The following RARG variants were observed in gnomAD, a reference collection of about 807,000 sequenced individuals.
RARG encodes RAR-gamma.
A neutral mutation model predicts 43.7 loss-of-function variants in RARG; 17 were observed. The ratio of observed to expected loss-of-function variants is 0.39; its 90% CI spans 0.27 to 0.58. RARG has a LOEUF of 0.58. Ranked by LOEUF, RARG falls within the 20% of genes least tolerant of loss-of-function variation. The probability of loss-of-function intolerance (pLI) is 0.57; values close to 1 mark genes in which losing one functional copy is unlikely to be tolerated. For synonymous variants in RARG, 238 were observed against 236.4 expected (o/e 1.01, Z -0.06); for missense variants, 346 against 598.7 (o/e 0.58, Z 4.40).
At chr12:53,226,500 G>C (rs1943109484) in intron 3 of RARG, among the ~76,000 whole-genome samples, 1 of 151,992 alleles carries the variant, frequency 6.6e-6, no homozygotes, top group Non-Finnish European at 1.5e-5. Context: ...GCTAATTTTT[G>C]TAATTTTAAA....
In RARG at chr12:53,213,793, G is replaced by A; in HGVS notation, c.814-93C>T. Reference sequence around the variant, plus strand: ...AAAGTGAGGAGGTTAGGTCCCCAGTGAGTGCAACCTGAAGCAGGCATGGAG... The same window carrying A: ...AAAGTGAGGAGGTTAGGTCCCCAGTAAGTGCAACCTGAAGCAGGCATGGAG... On this transcript the variant is annotated intron_variant, in intron 7 of 9. Transcript: ENST00000425354. The surrounding 1 kb of genome is among the most constrained non-coding windows in gnomAD (Gnocchi z 4.7). The A allele has an allele frequency of 1.5e-6, 2 of 1,326,918 alleles. No homozygotes were observed. The highest frequency in any genetic ancestry group is 2.1e-6 in the Non-Finnish European group (2 of 943,826). The allele number at this position is 1,326,918 out of a possible 1,614,324, so 82.2% of individuals were successfully genotyped here.
intron 9 of RARG, among the ~76,000 whole-genome samples, chr12:53,212,773 CACACACAT>C (rs1374850373): frequency 3.6e-4 from 54 of 150,420 alleles, no homozygotes; most frequent in South Asian, 2.7e-3. Context: ...CACACACACA[CACACACAT>C]ACTTGGAATT....
rs934305436 is a variant in RARG at position 53,218,774 on chromosome 12, A to T, written c.185-2980T>A. The stretch of plus-strand genomic sequence containing the variant: ...GGGGGCTTGGTGACCTGGCGTGCGC[A>T]CTCCCCCAGCGCCCGCCGCCCCGCC... On this transcript the variant is annotated intron_variant, in intron 3 of 9. Transcript: ENST00000425354. Among the ~76,000 whole-genome samples, 40 of 150,082 alleles carry T rather than the reference A, an allele frequency of 2.7e-4. 1 individual carries two copies. Among genetic ancestry groups the T allele is most frequent in the African/African-American group, 8.3e-4 (34 of 40,940 alleles).
At position 53,211,567 on chromosome 12, in the gene RARG, G is replaced by C. The variant is rs1942588136; in HGVS notation, c.*109C>G. 4.7e-6 allele frequency: 5 copies of C among 1,061,608 alleles called. No individual in the cohort carries two copies. In the East Asian group the frequency reaches 1.6e-4, roughly 34 times the overall value. 65.8% of individuals were successfully genotyped at this position (1,061,608 alleles called of 1,614,324 possible). On this transcript the variant is annotated 3_prime_UTR_variant, in exon 10 of 10. Coordinates refer to ENST00000425354, the MANE Select transcript of RARG (RefSeq NM_000966.6). The surrounding 1 kb of genome is among the most constrained non-coding windows in gnomAD (Gnocchi z 4.6). The stretch of plus-strand genomic sequence containing the variant: ...CAAAAACAAGGAGCTCATTGGAAGG[G>C]GTGGGGAGAGGGCAGAGCAGGTCCT...
chr12:53,213,796 T>G lies in RARG; in HGVS notation c.814-96A>C. On this transcript the variant is annotated intron_variant, in intron 7 of 9. Coordinates refer to ENST00000425354, the MANE Select transcript of RARG (RefSeq NM_000966.6). The surrounding 1 kb of genome is among the most constrained non-coding windows in gnomAD (Gnocchi z 4.7). ...GTGAGGAGGTTAGGTCCCCAGTGAG[T>G]GCAACCTGAAGCAGGCATGGAGAAG... 7.6e-7 allele frequency: 1 copy of G among 1,317,194 alleles called. No homozygotes were observed. The allele number at this position is 1,317,194 out of a possible 1,614,324, so 81.6% of individuals were successfully genotyped here. A position where few individuals can be genotyped will look rare whatever the true frequency, so the allele number is the denominator to read the frequency against.
chr12:53,214,337 A>T, intron 6 of RARG, 102 bp from the exon 7 acceptor site: 1 of 1,537,484 alleles, frequency 6.5e-7, no homozygotes, highest in South Asian at 1.2e-5. Flanking sequence ...CTGCATTCTG[A>T]TGCCCTCCTT....
Position 53,213,848 on chromosome 12 carries a change from CA to C in RARG, c.814-149del. 9.0e-7 allele frequency: 1 copy of C among 1,105,418 alleles called. No individual in the cohort carries two copies. Among genetic ancestry groups the C allele is most frequent in the Non-Finnish European group, 1.3e-6 (1 of 763,608 alleles). 68.5% of individuals were successfully genotyped at this position (1,105,418 alleles called of 1,614,324 possible). A position where few individuals can be genotyped will look rare whatever the true frequency, so the allele number is the denominator to read the frequency against. On this transcript the variant is annotated intron_variant, in intron 7 of 9. Transcript: ENST00000425354. The surrounding 1 kb of genome is among the most constrained non-coding windows in gnomAD (Gnocchi z 4.7). The stretch of plus-strand genomic sequence containing the variant: ...CAGAGGTGGAGGATCTGAGGCTTGG[CA>C]GGGGTAGTCCCGGGAAGTCAGGAGG...
intron 3 of RARG, among the ~76,000 whole-genome samples, chr12:53,217,698 C>T (rs1304095246): frequency 6.6e-6 from 1 of 152,214 alleles, no homozygotes; most frequent in Non-Finnish European, 1.5e-5. Flanking sequence ...CGGGCTTAGA[C>T]CCCACCATTG....
chr12:53,229,944 T>C lies in RARG; in HGVS notation c.-143+1225A>G, dbSNP rs1943192086. On this transcript the variant is annotated intron_variant, in intron 2 of 9. Transcript: ENST00000425354. ...GATGCTGCATGTGAGCCAATGAGAG[T>C]TGTCCTTGGCCTTCCTCTTATTTTG... The C allele has an allele frequency of 1.2e-5, 12 of 974,548 alleles. No homozygotes were observed. In the South Asian group the frequency reaches 3.8e-4, roughly 31 times the overall value. 60.4% of individuals were successfully genotyped at this position (974,548 alleles called of 1,614,324 possible).
chr12:53,213,319 A>G lies in RARG; in HGVS notation c.1019-76T>C, dbSNP rs1189098637. 6.7e-7 allele frequency: 1 copy of G among 1,496,604 alleles called. No individual in the cohort carries two copies. The highest frequency in any genetic ancestry group is 9.2e-7 in the Non-Finnish European group (1 of 1,085,888). The allele number at this position is 1,496,604 out of a possible 1,614,324, so 92.7% of individuals were successfully genotyped here. A position where few individuals can be genotyped will look rare whatever the true frequency, so the allele number is the denominator to read the frequency against. On this transcript the variant is annotated intron_variant, in intron 8 of 9. Transcript: ENST00000425354. This position sits in a 1 kb window ranked among gnomAD's most constrained non-coding sequence, Gnocchi z 4.7. The stretch of plus-strand genomic sequence containing the variant: ...ACACAGTGACAGATGGCTGATCACC[A>G]ACCGGCGTTTTGGGAAGCCTGTACA...
At chr12:53,221,281 C>G (rs1942954679) in intron 3 of RARG, among the ~76,000 whole-genome samples, 1 of 152,066 alleles carries the variant, frequency 6.6e-6, no homozygotes, top group Non-Finnish European at 1.5e-5. Context: ...CTGACGCCCC[C>G]TAAGCGCCTC....
intron 9 of RARG, among the ~76,000 whole-genome samples, chr12:53,212,232 T>C (rs1203673836): frequency 6.6e-6 from 1 of 152,242 alleles, no homozygotes; most frequent in Non-Finnish European, 1.5e-5. Context: ...TTACCACAGC[T>C]AATATTTATC....
chr12:53,226,784 G>T (rs1943117925), intron 3 of RARG, among the ~76,000 whole-genome samples: 1 of 150,008 alleles, frequency 6.7e-6, no homozygotes, highest in Non-Finnish European at 1.5e-5. Flanking sequence ...GCTAATTTTT[G>T]CATTTTTAAC....
In RARG at chr12:53,216,841, T is replaced by TGTGC. The variant is rs1430491578; in HGVS notation, c.185-1048_185-1047insGCAC. On this transcript the variant is annotated intron_variant, in intron 3 of 9. Coordinates refer to ENST00000425354, the MANE Select transcript of RARG (RefSeq NM_000966.6). Reference sequence around the variant, plus strand: ...GGGTAAGTGTGTGTGTGTGTGTGTGTGCGCGCGCGCGCGCGCGCGCGTGTG... The same window carrying TGTGC: ...GGGTAAGTGTGTGTGTGTGTGTGTGTGTGCGCGCGCGCGCGCGCGCGCGCGTGTG... 1.6e-3 allele frequency among the ~76,000 whole-genome samples: 213 copies of TGTGC among 129,418 alleles called. 4 individuals carry two copies. Among genetic ancestry groups the TGTGC allele is most frequent in the South Asian group, 4.3e-3 (16 of 3,734 alleles). 84.9% of individuals were successfully genotyped at this position (129,418 alleles called of 152,430 possible).
At position 53,219,340 on chromosome 12, in the gene RARG, C is replaced by T. The variant is rs149673129; in HGVS notation, c.185-3546G>A. ...CCTCTTGTGTGCACAACCTTTTCCA[C>T]CCGGCATGAGAACACACAGGATGCA... On this transcript the variant is annotated intron_variant, in intron 3 of 9. Transcript: ENST00000425354. 1.6e-4 allele frequency among the ~76,000 whole-genome samples: 25 copies of T among 152,300 alleles called. No individual in the cohort carries two copies. In the East Asian group the frequency reaches 3.9e-3, roughly 24 times the overall value.
chr12:53,214,671 C>A, intron 5 of RARG, 65 bp from the exon 6 acceptor site: 1 of 1,459,726 alleles, frequency 6.9e-7, no homozygotes. Context: ...TGTCCTCTCT[C>A]ACCCTAATTT....
chr12:53,214,361 G>T, intron 6 of RARG, 85 bp downstream of exon 6: 1 of 1,553,130 alleles, frequency 6.4e-7, no homozygotes, highest in Non-Finnish European at 8.8e-7. Context: ...CTCAGCACCA[G>T]TCGATGATAG....
intron 9 of RARG, among the ~76,000 whole-genome samples, chr12:53,212,469 G>T (rs1942619854): frequency 6.6e-6 from 1 of 152,054 alleles, no homozygotes; most frequent in African/African-American, 2.4e-5. Flanking sequence ...GTCTTGCTGG[G>T]TTACCCAGGC....
Position 53,213,811 on chromosome 12 carries a change from G to A in RARG, c.814-111C>T, listed in dbSNP as rs1942678879. On this transcript the variant is annotated intron_variant, in intron 7 of 9. Coordinates refer to ENST00000425354, the MANE Select transcript of RARG (RefSeq NM_000966.6). This position sits in a 1 kb window ranked among gnomAD's most constrained non-coding sequence, Gnocchi z 4.7. ...CCCCAGTGAGTGCAACCTGAAGCAGGCATGGAGAAGGCAGAGGTGGAGGAT... is the reference window on the plus strand; with the variant it reads ...CCCCAGTGAGTGCAACCTGAAGCAGACATGGAGAAGGCAGAGGTGGAGGAT... The A allele has an allele frequency of 2.4e-6, 3 of 1,234,632 alleles. No homozygotes were observed. Among genetic ancestry groups the A allele is most frequent in the Non-Finnish European group, 3.5e-6 (3 of 868,512 alleles). The allele number at this position is 1,234,632 out of a possible 1,614,324, so 76.5% of individuals were successfully genotyped here.
Sources: allele counts gnomAD v4.1 joint callset (sites outside exome capture counted in the v4.1 genomes callset), GRCh38; gene constraint gnomAD v4.1.1; non-coding constraint Gnocchi (gnomAD v3.1); transcripts MANE v1.5; gene names NCBI Gene and HGNC (gene_info 2026-07-23, HGNC 2026-07-21).